RIMS2: variants seen among roughly 807,000 people sequenced by gnomAD.
The protein encoded by RIMS2 is regulating synaptic membrane exocytosis protein 2.
In RIMS2, 59 loss-of-function variants were observed where a neutral mutation model predicts 174.4. That is an observed-to-expected ratio of 0.34 (90% CI 0.27 to 0.42). The LOEUF (loss-of-function observed/expected upper bound fraction) is 0.42. Among genes scored for constraint, RIMS2 ranks in the 10% least tolerant of loss-of-function variants. RIMS2 has a pLI of 1.00. For missense variants in RIMS2, 1,620 were observed against 1,666.3 expected (o/e 0.97, Z 0.48); for synonymous variants, 606 against 572.5 (o/e 1.06, Z -0.84).
At chr8:103,839,880 C>A (rs2098929428) in intron 3 of RIMS2, among the ~76,000 whole-genome samples, 1 of 152,102 alleles carries the variant, frequency 6.6e-6, no homozygotes, top group South Asian at 2.1e-4. Context: ...AAAACAAAAA[C>A]AAAATTCTAG....
At chr8:104,183,515 A>G (rs1254034795) in intron 19 of RIMS2, among the ~76,000 whole-genome samples, 1 of 151,646 alleles carries the variant, frequency 6.6e-6, no homozygotes, top group African/African-American at 2.4e-5. Flanking sequence ...AATTTTGAAT[A>G]CTAAAATACC....
chr8:104,222,590 T>C (rs1194768010), intron 19 of RIMS2, among the ~76,000 whole-genome samples: 3 of 152,188 alleles, frequency 2.0e-5, no homozygotes, highest in Non-Finnish European at 4.4e-5. Context: ...ATCTGATTCC[T>C]GGGAAAACGA....
At chr8:103,599,747 G>C (rs2094630949) in intron 1 of RIMS2, among the ~76,000 whole-genome samples, 1 of 151,906 alleles carries the variant, frequency 6.6e-6, no homozygotes, top group Non-Finnish European at 1.5e-5. Flanking sequence ...ACTGTACCTG[G>C]TCATTTTTTT....
At chr8:103,881,230 A>G (rs1164766864) in intron 3 of RIMS2, among the ~76,000 whole-genome samples, 1 of 151,576 alleles carries the variant, frequency 6.6e-6, no homozygotes, top group Non-Finnish European at 1.5e-5. Context: ...TAAAAATTGC[A>G]TATTTCTACA....
chr8:103,514,919 AAAAAAAC>A (rs1399086015), intron 1 of RIMS2, among the ~76,000 whole-genome samples: 6 of 151,268 alleles, frequency 4.0e-5, no homozygotes, highest in African/African-American at 1.5e-4. Context: ...CAACAACAAC[AAAAAAAC>A]AAAAAAACAA....
At chr8:103,710,878 AT>A (rs1416718649) in intron 2 of RIMS2, among the ~76,000 whole-genome samples, 2 of 152,172 alleles carry the variant, frequency 1.3e-5, no homozygotes, top group African/African-American at 4.8e-5. Context: ...GTTCTTTGAA[AT>A]ATATTGATAT....
chr8:104,171,504 A>G (rs200520283), intron 19 of RIMS2, among the ~76,000 whole-genome samples: 4 of 6,574 alleles, frequency 6.1e-4, no homozygotes. Flanking sequence ...TTTTTTTGTT[A>G]TATATATATA....
chr8:104,056,096 A>G (rs1185967158), intron 19 of RIMS2, among the ~76,000 whole-genome samples: 3 of 152,218 alleles, frequency 2.0e-5, no homozygotes, highest in Non-Finnish European at 2.9e-5. Context: ...ACACTTAAAC[A>G]TCATTTGACT....
intron 3 of RIMS2, among the ~76,000 whole-genome samples, chr8:103,816,543 A>G (rs914549238): frequency 6.6e-6 from 1 of 152,224 alleles, no homozygotes; most frequent in Admixed American, 6.5e-5. Flanking sequence ...AAGAATAAGC[A>G]CAGGGTATAA....
chr8:104,223,004 A>C (rs1330943348), intron 19 of RIMS2, among the ~76,000 whole-genome samples: 3 of 152,178 alleles, frequency 2.0e-5, no homozygotes, highest in African/African-American at 4.8e-5. Context: ...GACTTGAAGA[A>C]AATTTCAATA....
chr8:103,788,616 C>T (rs1592388406), intron 3 of RIMS2, among the ~76,000 whole-genome samples: 2 of 152,008 alleles, frequency 1.3e-5, no homozygotes, highest in Admixed American at 1.3e-4. Context: ...CTCGAGGAGA[C>T]AGTTTGCCCG....
intron 19 of RIMS2, among the ~76,000 whole-genome samples, chr8:104,211,777 G>T (rs11781121): frequency 7.4e-4 from 112 of 152,264 alleles, no homozygotes; most frequent in Non-Finnish European, 1.1e-3. Context: ...GCCTCCCAAA[G>T]TGCTAGGATT....
rs1163393347 is a variant in RIMS2, at chr8:104,034,729, C to A, written c.3334+20114C>A. 2.6e-5 allele frequency among the ~76,000 whole-genome samples: 4 copies of A among 152,062 alleles called. No homozygotes were observed. The East Asian group carries it at 7.7e-4, about 29-fold the overall frequency. On this transcript the variant is annotated intron_variant, in intron 19 of 23. Coordinates refer to ENST00000504942, the Ensembl canonical transcript of RIMS2. Reference sequence around the variant, plus strand: ...AGGTGATCCACCCACCTCAGCCTCCCAAAGTGCTGGAATTACAGGCATGAG... The same window carrying A: ...AGGTGATCCACCCACCTCAGCCTCCAAAAGTGCTGGAATTACAGGCATGAG...
chr8:103,995,704 T>G (rs1253656216), intron 17 of RIMS2, among the ~76,000 whole-genome samples: 2 of 152,074 alleles, frequency 1.3e-5, no homozygotes, highest in Non-Finnish European at 2.9e-5. Context: ...TTTAGTAAGG[T>G]ACCTATGTGA....
intron 2 of RIMS2, among the ~76,000 whole-genome samples, chr8:103,757,049 G>C (rs1470679880): frequency 6.6e-6 from 1 of 151,506 alleles, no homozygotes; most frequent in Admixed American, 6.6e-5. Context: ...TACAGAGAGA[G>C]ATATTCAGGA....
chr8:103,933,787 T>C (rs1197817337), intron 12 of RIMS2, among the ~76,000 whole-genome samples: 1 of 152,248 alleles, frequency 6.6e-6, no homozygotes, highest in Non-Finnish European at 1.5e-5. Flanking sequence ...AATTTTTTAT[T>C]TGTGGTTGAC....
At chr8:103,705,130 T>C (rs953624679) in intron 2 of RIMS2, among the ~76,000 whole-genome samples, 4 of 152,098 alleles carry the variant, frequency 2.6e-5, no homozygotes, top group Admixed American at 2.0e-4. Flanking sequence ...CCACTGATTT[T>C]AGTAATTTAG....
At chr8:103,706,471 T>A (rs2097228757) in intron 2 of RIMS2, among the ~76,000 whole-genome samples, 1 of 152,174 alleles carries the variant, frequency 6.6e-6, no homozygotes, top group Admixed American at 6.5e-5. Context: ...CTTTTGCATT[T>A]CTTGTAAAAT....
At chr8:103,649,648 C>CTTTTTTTTTTTTTT (rs71575979) in intron 1 of RIMS2, among the ~76,000 whole-genome samples, 1 of 143,406 alleles carries the variant, frequency 7.0e-6, no homozygotes, top group Non-Finnish European at 1.5e-5. Context: ...CCTTTTCATT[C>CTTTTTTTTTTTTTT]TTTTTTTTTT....
Sources: gnomAD v4.1 joint callset for allele counts (sites outside exome capture counted in the v4.1 genomes callset) on GRCh38, gnomAD v4.1.1 for gene constraint, MANE v1.5 for transcripts, NCBI Gene and HGNC (gene_info 2026-07-23, HGNC 2026-07-21) for gene names.